Variants in CDH12 observed in about 807,000 individuals in gnomAD.
CDH12 encodes cadherin 12, also known as cadherin-12.
CDH12 carries 41 observed loss-of-function variants against 74.1 expected under a neutral mutation model. That is an observed-to-expected ratio of 0.55 (90% CI 0.43 to 0.72). The LOEUF (loss-of-function observed/expected upper bound fraction) is 0.72. Among genes scored for constraint, CDH12 ranks in the 30% least tolerant of loss-of-function variants. The pLI is 0.00. For missense variants in CDH12, 945 were observed against 977.2 expected, an observed-to-expected ratio of 0.97 and a Z score of 0.44; for synonymous variants, 399 against 355.0, an observed-to-expected ratio of 1.12 and a Z score of -1.39.
intron 5 of CDH12, among the ~76,000 whole-genome samples, chr5:22,030,793 C>A (rs111269864): frequency 4.6e-5 from 7 of 152,326 alleles, no homozygotes; most frequent in African/African-American, 1.7e-4. Context: ...CTTTGAAAAT[C>A]TGTTGTTTAA....
At chr5:22,404,989 C>T (rs1328805040) in intron 3 of CDH12, among the ~76,000 whole-genome samples, 1 of 152,156 alleles carries the variant, frequency 6.6e-6, no homozygotes, top group African/African-American at 2.4e-5. Context: ...GCAGGTGGAT[C>T]ACCTGAGGTC....
chr5:22,079,640 T>C (rs78308072), intron 4 of CDH12, among the ~76,000 whole-genome samples: 4,118 of 152,266 alleles, frequency 0.027, 120 homozygotes, highest in African/African-American at 0.071. Flanking sequence ...TATTACTTTA[T>C]AGACGTTGTG....
intron 5 of CDH12, among the ~76,000 whole-genome samples, chr5:22,054,554 T>C (rs1183466163): frequency 6.6e-6 from 1 of 152,078 alleles, no homozygotes; most frequent in African/African-American, 2.4e-5. Flanking sequence ...GAGGGCAAAA[T>C]TTTATAAATG....
At chr5:22,261,348 A>AT in intron 3 of CDH12, among the ~76,000 whole-genome samples, 1 of 151,830 alleles carries the variant, frequency 6.6e-6, no homozygotes, top group East Asian at 1.9e-4. Flanking sequence ...CCATTTCTCT[A>AT]TTTTCAGCTT....
intron 5 of CDH12, among the ~76,000 whole-genome samples, chr5:22,025,003 C>A (rs1467453817): frequency 6.6e-6 from 1 of 152,128 alleles, no homozygotes; most frequent in Non-Finnish European, 1.5e-5. Context: ...GCCAACCCAA[C>A]TGATACTCAG....
At chr5:21,916,685 T>C (rs934368457) in intron 6 of CDH12, among the ~76,000 whole-genome samples, 4 of 152,082 alleles carry the variant, frequency 2.6e-5, no homozygotes, top group Non-Finnish European at 5.9e-5. Context: ...CTGGAGTGGC[T>C]GGTGGATTGA....
In CDH12 at chr5:22,166,518, C is replaced by T. The variant is rs957440245; in HGVS notation, c.-187+45980G>A. ...AATTACCAGCAACCAAATTAAGATG[C>T]TTCAAGTATTTTGCTAAAAAGATTT... On this transcript the variant is annotated intron_variant, in intron 4 of 14. Coordinates refer to ENST00000382254, the MANE Select transcript of CDH12 (RefSeq NM_004061.5). Among the ~76,000 whole-genome samples the T allele has an allele frequency of 2.0e-5, 3 of 152,092 alleles. No homozygotes were observed. The East Asian group carries it at 5.8e-4, about 29-fold the overall frequency.
chr5:22,372,363 C>T (rs191714143), intron 3 of CDH12, among the ~76,000 whole-genome samples: 43 of 152,160 alleles, frequency 2.8e-4, no homozygotes, highest in South Asian at 1.0e-3. Flanking sequence ...CTCCTGGAGG[C>T]CAGGAAAGGG....
Position 22,562,185 on chromosome 5 carries a change from C to A in CDH12, c.-522-56821G>T, listed in dbSNP as rs192503499. Among the ~76,000 whole-genome samples, 694 of 151,540 alleles carry A rather than the reference C, an allele frequency of 4.6e-3. 5 individuals carry two copies. Among genetic ancestry groups the A allele is most frequent in the African/African-American group, 0.016 (651 of 41,494 alleles). On this transcript the variant is annotated intron_variant, in intron 1 of 14. Coordinates refer to ENST00000382254, the MANE Select transcript of CDH12 (RefSeq NM_004061.5). The stretch of plus-strand genomic sequence containing the variant: ...ACAAAAAATTAGCCGGGCGTAGTGG[C>A]GGGCGCCTGTAGTCCCAGCTACTTG...
At chr5:22,058,407 A>G (rs1435831176) in intron 5 of CDH12, among the ~76,000 whole-genome samples, 1 of 152,154 alleles carries the variant, frequency 6.6e-6, no homozygotes, top group Non-Finnish European at 1.5e-5. Context: ...ATGGCTTCAT[A>G]AGGTACTATT....
chr5:22,521,520 T>C (rs1476323946), intron 1 of CDH12, among the ~76,000 whole-genome samples: 1 of 152,192 alleles, frequency 6.6e-6, no homozygotes, highest in East Asian at 1.9e-4. Flanking sequence ...ACATATTCTA[T>C]ACCATGCTAA....
chr5:22,197,220 G>A (rs1750669063), intron 4 of CDH12, among the ~76,000 whole-genome samples: 1 of 152,090 alleles, frequency 6.6e-6, no homozygotes, highest in African/African-American at 2.4e-5. Context: ...CAAAGGGGGA[G>A]GATCATGAGG....
At chr5:22,819,921 T>A (rs1365242054) in intron 1 of CDH12, among the ~76,000 whole-genome samples, 1 of 147,450 alleles carries the variant, frequency 6.8e-6, no homozygotes, top group Admixed American at 6.8e-5. Flanking sequence ...AAATATATAT[T>A]TATATAGATG....
intron 1 of CDH12, among the ~76,000 whole-genome samples, chr5:22,834,629 A>G (rs1736747026): frequency 1.3e-5 from 2 of 152,144 alleles, no homozygotes; most frequent in African/African-American, 4.8e-5. Flanking sequence ...TCAGGAGATC[A>G]AGTGTCTTGG....
At chr5:22,561,315 T>C (rs958763337) in intron 1 of CDH12, among the ~76,000 whole-genome samples, 2 of 152,152 alleles carry the variant, frequency 1.3e-5, no homozygotes, top group African/African-American at 2.4e-5. Flanking sequence ...TCCTTACCCA[T>C]ATATAGGCAC....
At chr5:21,929,192 T>A (rs938622346) in intron 6 of CDH12, among the ~76,000 whole-genome samples, 5 of 152,112 alleles carry the variant, frequency 3.3e-5, no homozygotes, top group African/African-American at 1.2e-4. Context: ...GGAAGACAAT[T>A]CTTCCATGGA....
At chr5:22,849,161 A>G (rs561580536) in intron 1 of CDH12, among the ~76,000 whole-genome samples, 6 of 152,244 alleles carry the variant, frequency 3.9e-5, no homozygotes, top group Admixed American at 1.3e-4. Flanking sequence ...AAGGAGAAAG[A>G]CCTGACCATG....
At chr5:21,894,153 T>G (rs866833589) in intron 6 of CDH12, among the ~76,000 whole-genome samples, 12 of 151,998 alleles carry the variant, frequency 7.9e-5, no homozygotes, top group South Asian at 2.1e-4. Context: ...CCAAGGCGGG[T>G]GGATCACCTG....
chr5:22,644,715 T>G (rs1344961679), intron 1 of CDH12, among the ~76,000 whole-genome samples: 1 of 151,840 alleles, frequency 6.6e-6, no homozygotes, highest in Non-Finnish European at 1.5e-5. Context: ...TGGAAGAAGA[T>G]GCCTTTTAGG....
Sources: allele counts gnomAD v4.1 joint callset (sites outside exome capture counted in the v4.1 genomes callset), GRCh38; gene constraint gnomAD v4.1.1; transcripts MANE v1.5; gene names NCBI Gene and HGNC (gene_info 2026-07-23, HGNC 2026-07-21).